RIC8B: variants seen among roughly 807,000 people sequenced by gnomAD.
RIC8B encodes the protein RIC8 guanine nucleotide exchange factor B, also known as chaperone Ric-8B.
Under a neutral mutation model 57.5 loss-of-function variants are expected in RIC8B, and 16 were observed. The ratio of observed to expected loss-of-function variants is 0.28; its 90% CI spans 0.19 to 0.42. The LOEUF is 0.42. RIC8B is among the 10% of genes least tolerant of loss of function. The pLI is 1.00. For missense variants in RIC8B, 481 were observed against 677.0 expected, an observed-to-expected ratio of 0.71 and a Z score of 3.21; for synonymous variants, 216 against 250.8, an observed-to-expected ratio of 0.86 and a Z score of 1.31.
intron 4 of RIC8B, among the ~76,000 whole-genome samples, chr12:106,830,710 G>A (rs1161202180): frequency 6.6e-6 from 1 of 152,144 alleles, no homozygotes; most frequent in Non-Finnish European, 1.5e-5. Context: ...GGAGGAACAT[G>A]GAGACTAAAT....
chr12:106,819,057 G>A (rs1290526612), intron 3 of RIC8B, among the ~76,000 whole-genome samples: 5 of 152,128 alleles, frequency 3.3e-5, no homozygotes, highest in Non-Finnish European at 5.9e-5. Context: ...CAGCCACTGC[G>A]CCCAGCTGGA....
chr12:106,788,658 C>A (rs576138143), intron 2 of RIC8B, among the ~76,000 whole-genome samples: 1 of 152,310 alleles, frequency 6.6e-6, no homozygotes, highest in South Asian at 2.1e-4. Flanking sequence ...CCCCTGAAAC[C>A]ATGGGCTGAG....
At chr12:106,870,570 G>A (rs1254785055) in intron 8 of RIC8B, among the ~76,000 whole-genome samples, 3 of 149,796 alleles carry the variant, frequency 2.0e-5, no homozygotes, top group African/African-American at 7.4e-5. Flanking sequence ...AAGCAACCAT[G>A]CCTCTAAAAA....
At chr12:106,859,014 T>C (rs1681985306) in intron 7 of RIC8B, among the ~76,000 whole-genome samples, 2 of 152,162 alleles carry the variant, frequency 1.3e-5, no homozygotes, top group South Asian at 4.1e-4. Context: ...TACCTTTTTC[T>C]GAATCTTCTC....
At chr12:106,878,764 C>G (rs571396571) in intron 9 of RIC8B, among the ~76,000 whole-genome samples, 1 of 151,978 alleles carries the variant, frequency 6.6e-6, no homozygotes, top group Non-Finnish European at 1.5e-5. Flanking sequence ...AAATAGCAGC[C>G]GCCCTCATTA....
rs758280666 is a variant in RIC8B, at chr12:106,823,410, G to C, written c.742-2316G>C. On this transcript the variant is annotated intron_variant, in intron 3 of 9. Coordinates refer to ENST00000392837, the MANE Select transcript of RIC8B (RefSeq NM_001330145.2). ...TAAAAGAGGACATTGTAGACATCGGGTACAACTTGGGAGTTGATGTTATCA... is the reference window on the plus strand; with the variant it reads ...TAAAAGAGGACATTGTAGACATCGGCTACAACTTGGGAGTTGATGTTATCA... 1.1e-5 allele frequency: 5 copies of C among 455,970 alleles called. No individual in the cohort carries two copies. The Admixed American group carries it at 1.2e-4, about 11-fold the overall frequency. The allele number at this position is 455,970 out of a possible 1,614,324, so 28.2% of individuals were successfully genotyped here. A position where few individuals can be genotyped will look rare whatever the true frequency, so the allele number is the denominator to read the frequency against.
Position 106,874,533 on chromosome 12 carries a change from G to A in RIC8B, c.1571+3591G>A, listed in dbSNP as rs114966200. ...GGATGGTGGTTAGCAACAGTGGCCC[G>A]TGCCAAAGCACTTACCAAAGTGATG... On this transcript the variant is annotated intron_variant, in intron 9 of 9. Transcript: ENST00000392837. 1,612 of 1,551,244 alleles carry A rather than the reference G, an allele frequency of 1.0e-3. 3 individuals carry two copies. Among genetic ancestry groups the A allele is most frequent in the African/African-American group, 8.8e-3 (642 of 73,152 alleles).
intron 7 of RIC8B, among the ~76,000 whole-genome samples, chr12:106,855,194 G>A (rs1446281643): frequency 1.3e-5 from 2 of 152,134 alleles, no homozygotes; most frequent in Non-Finnish European, 2.9e-5. Flanking sequence ...TTAGCACATA[G>A]CCCCACACCA....
At chr12:106,803,005 G>C (rs1033845993) in intron 2 of RIC8B, among the ~76,000 whole-genome samples, 1 of 151,860 alleles carries the variant, frequency 6.6e-6, no homozygotes, top group Non-Finnish European at 1.5e-5. Flanking sequence ...ATTAAGGCTT[G>C]GAGTTTGAAA....
At chr12:106,815,562 C>T (rs1460986543) in intron 3 of RIC8B, among the ~76,000 whole-genome samples, 1 of 152,204 alleles carries the variant, frequency 6.6e-6, no homozygotes, top group Non-Finnish European at 1.5e-5. Flanking sequence ...TTCTGAGTTG[C>T]ATTATTCTCT....
At chr12:106,791,952 A>G (rs1175562456) in intron 2 of RIC8B, among the ~76,000 whole-genome samples, 3 of 152,076 alleles carry the variant, frequency 2.0e-5, no homozygotes, top group Non-Finnish European at 4.4e-5. Context: ...GAATTGTCAC[A>G]CTCCAGTTTT....
intron 4 of RIC8B, among the ~76,000 whole-genome samples, chr12:106,837,543 C>T (rs2046661178): frequency 6.6e-6 from 1 of 151,886 alleles, no homozygotes; most frequent in Admixed American, 6.6e-5. Flanking sequence ...CTTTGTGATA[C>T]CTGCCTGAAA....
chr12:106,884,740 C>T (rs11614354), intron 9 of RIC8B, among the ~76,000 whole-genome samples: 13 of 152,324 alleles, frequency 8.5e-5, no homozygotes, highest in African/African-American at 2.6e-4. Flanking sequence ...CCATTGACCA[C>T]TGAGCTGTTC....
In RIC8B at chr12:106,814,640, G is replaced by A. The variant is rs1050118686; in HGVS notation, c.133-56G>A. ...AAGTACATTGGCAGAGAAACATTCT[G>A]TGTTAAGTCATTTGAGCCAAATAAT... On this transcript the variant is annotated intron_variant, in intron 2 of 9. Transcript: ENST00000392837. 12 of 1,516,268 alleles carry A rather than the reference G, an allele frequency of 7.9e-6. No homozygotes were observed. The South Asian group carries it at 1.5e-4, about 18-fold the overall frequency. The allele number at this position is 1,516,268 out of a possible 1,614,324, so 93.9% of individuals were successfully genotyped here.
chr12:106,850,075 CT>C (rs1205086436), intron 6 of RIC8B, among the ~76,000 whole-genome samples: 1 of 152,232 alleles, frequency 6.6e-6, no homozygotes, highest in African/African-American at 2.4e-5. Context: ...GCATTAGATT[CT>C]CATAGGAGCA....
At chr12:106,852,461 G>T (rs1221383618) in intron 7 of RIC8B, among the ~76,000 whole-genome samples, 1 of 152,150 alleles carries the variant, frequency 6.6e-6, no homozygotes, top group Non-Finnish European at 1.5e-5. Context: ...CATTTCTGAT[G>T]TATTGATCCA....
intron 2 of RIC8B, among the ~76,000 whole-genome samples, chr12:106,812,748 A>G (rs2045391823): frequency 6.6e-6 from 1 of 152,190 alleles, no homozygotes; most frequent in African/African-American, 2.4e-5. Flanking sequence ...CCTGTTCTGT[A>G]TACTTTTAAT....
At chr12:106,808,120 C>T (rs947494764) in intron 2 of RIC8B, among the ~76,000 whole-genome samples, 1 of 151,170 alleles carries the variant, frequency 6.6e-6, no homozygotes, top group Non-Finnish European at 1.5e-5. Context: ...AAAAACCTCC[C>T]AAAACAATGA....
chr12:106,784,410 C>T (rs1051105951), intron 2 of RIC8B, among the ~76,000 whole-genome samples: 2 of 152,220 alleles, frequency 1.3e-5, no homozygotes, highest in Admixed American at 6.5e-5. Flanking sequence ...AGGTCTCGCT[C>T]TATCACCCAG....
Sources: gnomAD v4.1 joint callset for allele counts (sites outside exome capture counted in the v4.1 genomes callset) on GRCh38, gnomAD v4.1.1 for gene constraint, MANE v1.5 for transcripts, NCBI Gene and HGNC (gene_info 2026-07-23, HGNC 2026-07-21) for gene names.